Variants in CYTH3 observed in about 807,000 individuals in gnomAD.
CYTH3 encodes the protein cytohesin 3.
CYTH3 carries 23 observed loss-of-function variants against 55.1 expected under a neutral mutation model. The ratio of observed to expected loss-of-function variants is 0.42; its 90% CI spans 0.30 to 0.59. The LOEUF is 0.59. Among genes scored for constraint, CYTH3 ranks in the 20% least tolerant of loss-of-function variants. The pLI is 0.20. For missense variants in CYTH3, 413 were observed against 524.8 expected, an observed-to-expected ratio of 0.79 and a Z score of 2.08; for synonymous variants, 249 against 194.9, an observed-to-expected ratio of 1.28 and a Z score of -2.31.
intron 1 of CYTH3, among the ~76,000 whole-genome samples, chr7:6,259,765 A>AT (rs1224140266): frequency 8.0e-5 from 2 of 24,966 alleles, no homozygotes; most frequent in African/African-American, 7.5e-4. Flanking sequence ...TATTATATAT[A>AT]TATATATTAT....
rs190032165 is a variant in CYTH3, at chr7:6,174,697, G to A, written c.369-964C>T. ...CGAGTAGCTGGGACTACAGGCACCC[G>A]CCAGCACGCCTGGCTAATTTTTTGT... On this transcript the variant is annotated intron_variant, in intron 5 of 12. Transcript: ENST00000350796. 2.0e-3 allele frequency among the ~76,000 whole-genome samples: 298 copies of A among 152,020 alleles called. 1 individual carries two copies. The highest frequency in any genetic ancestry group is 3.3e-3 in the Non-Finnish European group (227 of 67,980).
intron 1 of CYTH3, among the ~76,000 whole-genome samples, chr7:6,193,087 G>A (rs965182756): frequency 3.9e-5 from 6 of 151,976 alleles, no homozygotes; most frequent in African/African-American, 1.2e-4. Context: ...CAGGAGAATC[G>A]CTTGAAACAG....
intron 12 of CYTH3, 84 bp from the exon 13 acceptor site, chr7:6,165,100 G>A: frequency 6.3e-7 from 1 of 1,589,728 alleles, no homozygotes; most frequent in Non-Finnish European, 8.6e-7. Flanking sequence ...AGGCCCCTCA[G>A]ACAGGACCGC....
intron 1 of CYTH3, among the ~76,000 whole-genome samples, chr7:6,245,566 T>C (rs1779790673): frequency 6.6e-6 from 1 of 152,192 alleles, no homozygotes; most frequent in Non-Finnish European, 1.5e-5. Flanking sequence ...ACCCAAGCGT[T>C]TCTACCTCCA....
chr7:6,248,828 G>A (rs956855032), intron 1 of CYTH3, among the ~76,000 whole-genome samples: 3 of 152,166 alleles, frequency 2.0e-5, no homozygotes, highest in South Asian at 2.1e-4. Flanking sequence ...TATCTATTCT[G>A]ATTCAGCTTT....
intron 4 of CYTH3, among the ~76,000 whole-genome samples, chr7:6,179,737 AC>A: frequency 2.5e-5 from 1 of 40,224 alleles, no homozygotes; most frequent in Middle Eastern, 0.015. Flanking sequence ...ACACACACCC[AC>A]CACACACACC....
chr7:6,203,749 C>T (rs957654337), intron 1 of CYTH3, among the ~76,000 whole-genome samples: 3 of 151,418 alleles, frequency 2.0e-5, no homozygotes, highest in Admixed American at 6.6e-5. Flanking sequence ...GACAGAGTCT[C>T]GCTCTGTCGC....
intron 1 of CYTH3, among the ~76,000 whole-genome samples, chr7:6,205,365 G>C (rs1784159161): frequency 6.6e-6 from 1 of 152,110 alleles, no homozygotes; most frequent in South Asian, 2.1e-4. Flanking sequence ...CTGAGGTCAG[G>C]AGTTTGAGAT....
intron 1 of CYTH3, among the ~76,000 whole-genome samples, chr7:6,223,451 G>C (rs57798671): frequency 6.6e-6 from 1 of 152,336 alleles, no homozygotes; most frequent in African/African-American, 2.4e-5. Context: ...TGTGTAGAAA[G>C]AAGTTGACAT....
chr7:6,221,127 G>A (rs564004124), intron 1 of CYTH3, among the ~76,000 whole-genome samples: 6 of 152,072 alleles, frequency 3.9e-5, no homozygotes, highest in Admixed American at 2.0e-4. Flanking sequence ...AACTTTACTC[G>A]TAATATCCTA....
chr7:6,168,506 T>G (rs1783076416), intron 9 of CYTH3, among the ~76,000 whole-genome samples: 1 of 152,162 alleles, frequency 6.6e-6, no homozygotes, highest in South Asian at 2.1e-4. Flanking sequence ...TCGAACTTTG[T>G]TTCTGAGAAC....
At chr7:6,175,191 G>C (rs1273312211) in intron 5 of CYTH3, among the ~76,000 whole-genome samples, 1 of 152,122 alleles carries the variant, frequency 6.6e-6, no homozygotes, top group Non-Finnish European at 1.5e-5. Flanking sequence ...ATGGCCTGTG[G>C]GTTGTCTTTT....
intron 1 of CYTH3, among the ~76,000 whole-genome samples, chr7:6,268,342 A>AT (rs955131847): frequency 5.9e-5 from 9 of 151,904 alleles, no homozygotes; most frequent in Admixed American, 2.0e-4. Flanking sequence ...TAATTTTTGT[A>AT]TTTTTTTAGT....
chr7:6,257,613 A>G (rs540613112), intron 1 of CYTH3, among the ~76,000 whole-genome samples: 1 of 152,328 alleles, frequency 6.6e-6, no homozygotes, highest in African/African-American at 2.4e-5. Flanking sequence ...AATATAACCT[A>G]GCCAAGTTCT....
chr7:6,233,453 G>T (rs1779437072), intron 1 of CYTH3, among the ~76,000 whole-genome samples: 1 of 152,018 alleles, frequency 6.6e-6, no homozygotes, highest in African/African-American at 2.4e-5. Flanking sequence ...TGAGGAGATC[G>T]AGACCATCCT....
chr7:6,230,323 T>C (rs755715450), intron 1 of CYTH3, among the ~76,000 whole-genome samples: 16 of 152,122 alleles, frequency 1.1e-4, no homozygotes, highest in African/African-American at 3.1e-4. Flanking sequence ...ACAAGGAGTA[T>C]ATCTCCATAA....
At chr7:6,249,697 C>G (rs1779910838) in intron 1 of CYTH3, among the ~76,000 whole-genome samples, 1 of 152,206 alleles carries the variant, frequency 6.6e-6, no homozygotes, top group African/African-American at 2.4e-5. Flanking sequence ...CAAAAGGTCC[C>G]TTCCCAGGCT....
intron 5 of CYTH3, among the ~76,000 whole-genome samples, chr7:6,175,707 C>G (rs995038535): frequency 2.6e-5 from 4 of 151,970 alleles, no homozygotes; most frequent in Non-Finnish European, 1.5e-5. Context: ...GCCATCATGT[C>G]TGGCTAATTT....
At position 6,170,398 on chromosome 7, in the gene CYTH3, T is replaced by G. The variant is rs1482456323; in HGVS notation, c.823+137A>C. The G allele has an allele frequency of 3.8e-6, 3 of 783,370 alleles. No individual in the cohort carries two copies. In the Middle Eastern group the frequency reaches 1.1e-3, roughly 300 times the overall value. 48.5% of individuals were successfully genotyped at this position (783,370 alleles called of 1,614,324 possible). On this transcript the variant is annotated intron_variant, in intron 9 of 12. Transcript: ENST00000350796. This position sits in a 1 kb window ranked among gnomAD's most constrained non-coding sequence, Gnocchi z 7.8. ...GGCCATGCAGCTACCGAGAGCGGGC[T>G]CTGGCTTAACCGCGTTTCTTTTTAA...
Sources: allele counts gnomAD v4.1 joint callset (sites outside exome capture counted in the v4.1 genomes callset), GRCh38; gene constraint gnomAD v4.1.1; non-coding constraint Gnocchi (gnomAD v3.1); transcripts MANE v1.5; gene names NCBI Gene and HGNC (gene_info 2026-07-23, HGNC 2026-07-21).